Variants in CCDC91 observed in about 807,000 individuals in gnomAD.
CCDC91 encodes the protein coiled-coil domain containing 91.
Under a neutral mutation model 63.2 loss-of-function variants are expected in CCDC91, and 48 were observed. That is an observed-to-expected ratio of 0.76 (90% CI 0.60 to 0.97). The LOEUF is 0.97. Among genes scored for constraint, CCDC91 ranks in the 50% least tolerant of loss-of-function variants. The pLI, the probability that CCDC91 is intolerant of heterozygous loss-of-function variation, is 0.00. For missense variants in CCDC91, 500 were observed against 494.6 expected (o/e 1.01, Z -0.10); for synonymous variants, 167 against 165.8 (o/e 1.01, Z -0.06).
At chr12:28,197,084 A>T (rs1248247808) in intron 1 of CCDC91, among the ~76,000 whole-genome samples, 8 of 152,160 alleles carry the variant, frequency 5.3e-5, no homozygotes, top group Non-Finnish European at 5.9e-5. Flanking sequence ...ATTTATAAAA[A>T]TATGATTATC....
At chr12:28,417,108 T>C (rs978105136) in intron 8 of CCDC91, among the ~76,000 whole-genome samples, 17 of 152,200 alleles carry the variant, frequency 1.1e-4, no homozygotes, top group African/African-American at 4.1e-4. Context: ...TATGAACTTC[T>C]AGATTTTGGG....
At chr12:28,252,648 G>A (rs1366180201) in intron 1 of CCDC91, among the ~76,000 whole-genome samples, 1 of 151,952 alleles carries the variant, frequency 6.6e-6, no homozygotes, top group Admixed American at 6.6e-5. Context: ...ACTATCTTCT[G>A]TTGTTAACTT....
intron 6 of CCDC91, among the ~76,000 whole-genome samples, chr12:28,361,939 T>C (rs989434081): frequency 6.6e-6 from 1 of 152,110 alleles, no homozygotes; most frequent in African/African-American, 2.4e-5. Flanking sequence ...TAATTTTGTT[T>C]TGGAAGCTGG....
intron 12 of CCDC91, among the ~76,000 whole-genome samples, chr12:28,505,937 A>T (rs1324697615): frequency 6.6e-6 from 1 of 152,016 alleles, no homozygotes; most frequent in East Asian, 1.9e-4. Context: ...TCCTTTAGGT[A>T]AACAGTGTTT....
intron 12 of CCDC91, among the ~76,000 whole-genome samples, chr12:28,524,716 A>G (rs1941100740): frequency 6.6e-6 from 1 of 152,070 alleles, no homozygotes; most frequent in African/African-American, 2.4e-5. Context: ...GCTGTTGTGA[A>G]TGCGTCTGGT....
chr12:28,456,959 A>G (rs1190660501), intron 11 of CCDC91, among the ~76,000 whole-genome samples: 1 of 152,162 alleles, frequency 6.6e-6, no homozygotes, highest in East Asian at 1.9e-4. Flanking sequence ...TCTTTTATGG[A>G]TTGTGTCCAT....
At chr12:28,536,142 A>G (rs991532199) in intron 12 of CCDC91, among the ~76,000 whole-genome samples, 1 of 152,192 alleles carries the variant, frequency 6.6e-6, no homozygotes, top group Admixed American at 6.5e-5. Context: ...GTTTACAACA[A>G]TTTCCTTGTT....
intron 1 of CCDC91, among the ~76,000 whole-genome samples, chr12:28,234,238 A>G (rs1291390780): frequency 6.6e-6 from 1 of 152,148 alleles, no homozygotes; most frequent in South Asian, 2.1e-4. Context: ...TTAGACCCAA[A>G]TCTTTTCTAT....
intron 12 of CCDC91, among the ~76,000 whole-genome samples, chr12:28,540,554 T>C (rs777676860): frequency 4.6e-5 from 7 of 152,144 alleles, no homozygotes; most frequent in Non-Finnish European, 8.8e-5. Flanking sequence ...GTTTAAAGAA[T>C]AGATTTGGGT....
intron 1 of CCDC91, among the ~76,000 whole-genome samples, chr12:28,250,953 AGTGTGTGT>A (rs3064712): frequency 0.36 from 52,560 of 145,328 alleles, 9,610 homozygotes; most frequent in East Asian, 0.48. Flanking sequence ...TTAAGGTTTG[AGTGTGTGT>A]GTGTGTGTGT....
rs1364660022 is a variant in CCDC91, at chr12:28,509,830, T to C, written c.1215+25665T>C. Among the ~76,000 whole-genome samples the C allele has an allele frequency of 2.6e-5, 4 of 152,102 alleles. No homozygotes were observed. The Middle Eastern group carries it at 0.01, about 388-fold the overall frequency. ...AGTGGGTATTAATATAGTAGACTCA[T>C]GTGTAAAGACTATTTCTAGTCCAAA... is the stretch of plus-strand genomic sequence containing the variant. On this transcript the variant is annotated intron_variant, in intron 12 of 12. Transcript: ENST00000536442.
intron 3 of CCDC91, among the ~76,000 whole-genome samples, chr12:28,271,556 GT>G (rs1433102852): frequency 6.6e-6 from 1 of 151,732 alleles, no homozygotes; most frequent in African/African-American, 2.4e-5. Context: ...TTTTCCAGTT[GT>G]TTTTATTGTT....
rs1417495173 is a variant in CCDC91, at chr12:28,484,089, G to A, written c.1139G>A (p.Arg380Gln). ...VKAAIIEEQK[R>Q]SEKAVEEAVK... is the part of the protein sequence containing the mutation. ...GCAGCAATAATAGAAGAGCAGAAAC[G>A]AAGTGAAAAGGCTGTGGAAGAGGCA... Residue 380 changes from arginine (R) to glutamine (Q), a missense_variant, in exon 12 of 13, where the codon CGA (arginine) becomes CAA (glutamine). By Grantham distance (43) the Arg-to-Gln change is conservative. Coordinates refer to ENST00000536442, the MANE Select transcript of CCDC91 (RefSeq NM_018318.5). 130 of 1,611,478 alleles carry A rather than the reference G, an allele frequency of 8.1e-5. No homozygotes were observed. Among genetic ancestry groups the A allele is most frequent in the Non-Finnish European group, 1.1e-4 (124 of 1,178,702 alleles).
chr12:28,368,418 T>A (rs1041965801), intron 7 of CCDC91, among the ~76,000 whole-genome samples: 4 of 152,226 alleles, frequency 2.6e-5, no homozygotes, highest in Admixed American at 1.3e-4. Context: ...TGAGTAAATG[T>A]ATATCCTGCT....
At chr12:28,249,586 T>C (rs1460729345) in intron 1 of CCDC91, among the ~76,000 whole-genome samples, 5 of 152,168 alleles carry the variant, frequency 3.3e-5, no homozygotes, top group African/African-American at 1.2e-4. Context: ...ACTGCAAGAA[T>C]AGTATATTGT....
intron 6 of CCDC91, among the ~76,000 whole-genome samples, chr12:28,315,374 C>G (rs1328366189): frequency 6.6e-6 from 1 of 151,980 alleles, no homozygotes; most frequent in East Asian, 1.9e-4. Flanking sequence ...CCATGTTCAC[C>G]AGGCTGGCTT....
At chr12:28,276,250 C>T (rs1948219787) in intron 3 of CCDC91, among the ~76,000 whole-genome samples, 1 of 151,838 alleles carries the variant, frequency 6.6e-6, no homozygotes, top group South Asian at 2.1e-4. Context: ...ATATGATTTT[C>T]AGAATTTTTG....
intron 1 of CCDC91, among the ~76,000 whole-genome samples, chr12:28,234,574 G>A (rs899144820): frequency 4.6e-4 from 70 of 152,120 alleles, no homozygotes; most frequent in African/African-American, 1.7e-3. Flanking sequence ...TTTCTTGATA[G>A]TATACAGTTC....
At chr12:28,483,679 A>G (rs1404630011) in intron 11 of CCDC91, among the ~76,000 whole-genome samples, 1 of 152,146 alleles carries the variant, frequency 6.6e-6, no homozygotes, top group Non-Finnish European at 1.5e-5. Flanking sequence ...TAAAACAGGT[A>G]GAGCATTAGA....
Sources: gnomAD v4.1 joint callset for allele counts (sites outside exome capture counted in the v4.1 genomes callset) on GRCh38, gnomAD v4.1.1 for gene constraint, MANE v1.5 for transcripts, NCBI Gene and HGNC (gene_info 2026-07-23, HGNC 2026-07-21) for gene names.